SYCP2L: variants seen among roughly 807,000 people sequenced by gnomAD.
SYCP2L encodes synaptonemal complex protein 2-like.
A neutral mutation model predicts 125.8 loss-of-function variants in SYCP2L; 98 were observed. The ratio of observed to expected loss-of-function variants is 0.78; its 90% CI spans 0.66 to 0.92. SYCP2L has a LOEUF of 0.92. Among genes scored for constraint, SYCP2L ranks in the 40% least tolerant of loss-of-function variants. The pLI, the probability that SYCP2L is intolerant of heterozygous loss-of-function variation, is 0.00. For missense variants in SYCP2L, 842 were observed against 936.4 expected, an observed-to-expected ratio of 0.90 and a Z score of 1.32; for synonymous variants, 317 against 325.4, an observed-to-expected ratio of 0.97 and a Z score of 0.28.
At chr6:10,969,358 C>CTTTTTTTTTTTT (rs534262433) in intron 29 of SYCP2L, among the ~76,000 whole-genome samples, 1 of 105,032 alleles carries the variant, frequency 9.5e-6, no homozygotes, top group Non-Finnish European at 1.9e-5. Flanking sequence ...AGGAAATTAT[C>CTTTTTTTTTTTT]TTTTTTTTTT....
At chr6:10,895,631 G>T (rs187674154) in intron 4 of SYCP2L, among the ~76,000 whole-genome samples, 6 of 70,490 alleles carry the variant, frequency 8.5e-5, no homozygotes, top group South Asian at 8.0e-4. Flanking sequence ...GAGAACAAAA[G>T]GGGGGGGTAC....
At chr6:10,952,973 C>CT (rs932345943) in intron 23 of SYCP2L, among the ~76,000 whole-genome samples, 2 of 151,998 alleles carry the variant, frequency 1.3e-5, no homozygotes, top group African/African-American at 4.8e-5. Context: ...TGTTTCTTTT[C>CT]TTTTTTTATT....
At chr6:10,913,138 TA>T (rs932537595) in intron 14 of SYCP2L, among the ~76,000 whole-genome samples, 17 of 152,328 alleles carry the variant, frequency 1.1e-4, no homozygotes, top group African/African-American at 4.1e-4. Flanking sequence ...TTTTTCATTT[TA>T]AAAATGTTTA....
In SYCP2L at chr6:10,911,336, C is replaced by A. The variant is rs540732755; in HGVS notation, c.918+467C>A. On this transcript the variant is annotated intron_variant, in intron 12 of 29. Coordinates refer to ENST00000283141, the MANE Select transcript of SYCP2L (RefSeq NM_001040274.3). ...GTTGACCAGTTTCTTCCCCACCCCC[C>A]ATTTGGTTTCTAGAGGAACAAGGTC... Among the ~76,000 whole-genome samples the A allele has an allele frequency of 1.2e-4, 18 of 152,202 alleles. No homozygotes were observed. In the Middle Eastern group the frequency reaches 0.01, roughly 87 times the overall value.
chr6:10,902,717 A>G lies in SYCP2L; in HGVS notation c.507A>G (p.Gly169=). The change falls in exon 7 of 30, where the codon GGA becomes GGG. Residue 169 remains glycine, a synonymous_variant. Coordinates refer to ENST00000283141, the MANE Select transcript of SYCP2L (RefSeq NM_001040274.3). The stretch of plus-strand genomic sequence containing the variant: ...TGGATTCCTTCCTACTTAGCTTAGG[A>G]TTCCTGGTGACAGAAAAGACTGTAA... ...QMLDSFLLSL[G]FLVTEKTVNH... is the part of the protein sequence containing the mutation. 6.2e-7 allele frequency: 1 copy of G among 1,614,168 alleles called. No individual in the cohort carries two copies. The highest frequency in any genetic ancestry group is 1.1e-5 in the South Asian group (1 of 91,058).
intron 29 of SYCP2L, among the ~76,000 whole-genome samples, chr6:10,971,782 C>G (rs1781779550): frequency 2.2e-5 from 3 of 137,156 alleles, no homozygotes; most frequent in Non-Finnish European, 4.6e-5. Flanking sequence ...CTCTGAGGTT[C>G]AAGCGATTCT....
At chr6:10,893,761 A>T in intron 2 of SYCP2L, 106 bp from the exon 3 acceptor site, 1 of 1,190,756 alleles carries the variant, frequency 8.4e-7, no homozygotes, top group South Asian at 1.4e-5. Context: ...TATTTACCCT[A>T]TATTATTTCA....
chr6:10,892,512 T>C (rs1313848906), intron 2 of SYCP2L, among the ~76,000 whole-genome samples: 1 of 152,202 alleles, frequency 6.6e-6, no homozygotes, highest in Non-Finnish European at 1.5e-5. Context: ...TTGCCCAGGC[T>C]GATGTCAAAC....
At chr6:10,948,399 G>A (rs6921937) in intron 23 of SYCP2L, among the ~76,000 whole-genome samples, 147,344 of 152,206 alleles carry the variant, frequency 0.97, 71,461 homozygotes, top group East Asian at 1. Flanking sequence ...AAAGAAGCCA[G>A]ACACAGACCA....
At chr6:10,972,838 T>A (rs1239930985) in intron 29 of SYCP2L, among the ~76,000 whole-genome samples, 3 of 152,138 alleles carry the variant, frequency 2.0e-5, no homozygotes, top group Non-Finnish European at 1.5e-5. Context: ...TCCTCCCCAC[T>A]TTTTAAAATC....
In SYCP2L at chr6:10,962,911, T is replaced by G. The variant is rs553138997; in HGVS notation, c.2415-871T>G. Among the ~76,000 whole-genome samples, 7 of 152,328 alleles carry G rather than the reference T, an allele frequency of 4.6e-5. No individual in the cohort carries two copies. The South Asian group carries it at 1.4e-3, about 32-fold the overall frequency. The stretch of plus-strand genomic sequence containing the variant: ...AAAGCAAATAATGTCTTAATGTTAT[T>G]ATTATTACCAAAATAATTTTGACTT... On this transcript the variant is annotated intron_variant, in intron 28 of 29. Coordinates refer to ENST00000283141, the MANE Select transcript of SYCP2L (RefSeq NM_001040274.3).
intron 29 of SYCP2L, among the ~76,000 whole-genome samples, chr6:10,972,356 T>C (rs16870876): frequency 0.06 from 9,075 of 152,234 alleles, 882 homozygotes; most frequent in African/African-American, 0.2. Context: ...CAATAGAGAA[T>C]TGGATTAAAT....
chr6:10,887,101 C>G lies in SYCP2L; in HGVS notation c.-26C>G. 1.2e-6 allele frequency: 2 copies of G among 1,614,072 alleles called. No homozygotes were observed. The highest frequency in any genetic ancestry group is 1.7e-6 in the Non-Finnish European group (2 of 1,179,958). On this transcript the variant is annotated 5_prime_UTR_variant, in exon 1 of 30. Transcript: ENST00000283141. ...AGCGCAACAAAGCTGAGCGGCGCGT[C>G]GCTTCAGGAACGAAGAAGCCTCGTT...
chr6:10,953,530 A>G (rs985090104), intron 23 of SYCP2L, among the ~76,000 whole-genome samples: 1 of 152,202 alleles, frequency 6.6e-6, no homozygotes, highest in Non-Finnish European at 1.5e-5. Flanking sequence ...GAGAATTAGA[A>G]TAAGAGAACT....
chr6:10,925,567 C>T (rs1030490206), intron 15 of SYCP2L, among the ~76,000 whole-genome samples: 1 of 152,088 alleles, frequency 6.6e-6, no homozygotes, highest in Non-Finnish European at 1.5e-5. Context: ...GGTAATGGCC[C>T]ATAGAAAGTT....
chr6:10,935,120 G>A lies in SYCP2L; in HGVS notation c.1746G>A (p.Lys582=). The change falls in exon 21 of 30, where the codon AAG becomes AAA. Residue 582 remains lysine, a synonymous_variant. Coordinates refer to ENST00000283141, the MANE Select transcript of SYCP2L (RefSeq NM_001040274.3). ...AGCAAAATAACACCACATCTCCAAA[G>A]ACTTCTGAACAAAAATTCCAAGATA... The part of the protein sequence containing the change: ...IPEQNNTTSP[K]TSEQKFQDSF... 6.2e-7 allele frequency: 1 copy of A among 1,613,070 alleles called. No homozygotes were observed. The highest frequency in any genetic ancestry group is 8.5e-7 in the Non-Finnish European group (1 of 1,179,582).
chr6:10,911,667 T>C (rs1780609212), intron 12 of SYCP2L, among the ~76,000 whole-genome samples: 1 of 152,168 alleles, frequency 6.6e-6, no homozygotes, highest in Non-Finnish European at 1.5e-5. Context: ...TTTTCTTCTT[T>C]CTATGACATC....
chr6:10,926,427 A>G lies in SYCP2L; in HGVS notation c.1307A>G (p.Glu436Gly), dbSNP rs774088479. Reference sequence around the variant, plus strand: ...GAGAGTCCCAGTGGCCTTGAAAGAGAAACAGGTATATTGGGAAATAACAAA... The same window carrying G: ...GAGAGTCCCAGTGGCCTTGAAAGAGGAACAGGTATATTGGGAAATAACAAA... ...DRESPSGLERETEQAEESTNM... is the reference protein window; with the variant it reads ...DRESPSGLERGTEQAEESTNM... The change falls in exon 16 of 30, where the codon GAA (glutamate) becomes GGA (glycine). Residue 436 changes from glutamate (E) to glycine (G), a missense_variant. Transcript: ENST00000283141. 4.3e-6 allele frequency: 7 copies of G among 1,610,560 alleles called. No homozygotes were observed. Among genetic ancestry groups the G allele is most frequent in the Non-Finnish European group, 5.9e-6 (7 of 1,177,258 alleles).
intron 2 of SYCP2L, 74 bp downstream of exon 2, chr6:10,891,655 G>GC: frequency 1.3e-6 from 1 of 799,512 alleles, no homozygotes; most frequent in Non-Finnish European, 2.0e-6. Flanking sequence ...GTGTGTGTGT[G>GC]TGTGTGTGTA....
Sources: gnomAD v4.1 joint callset for allele counts (sites outside exome capture counted in the v4.1 genomes callset) on GRCh38, gnomAD v4.1.1 for gene constraint, MANE v1.5 for transcripts, NCBI Gene and HGNC (gene_info 2026-07-23, HGNC 2026-07-21) for gene names.